SHROOM3: variants seen among roughly 807,000 people sequenced by gnomAD.
SHROOM3 encodes the protein protein Shroom3.
In SHROOM3, 47 loss-of-function variants were observed where a neutral mutation model predicts 138.6. That is an observed-to-expected ratio of 0.34 (90% CI 0.27 to 0.43). The LOEUF (loss-of-function observed/expected upper bound fraction) is 0.43, where lower values mean the gene tolerates loss of function less well. Among genes scored for constraint, SHROOM3 ranks in the 20% least tolerant of loss-of-function variants. The probability of loss-of-function intolerance (pLI) is 1.00; values close to 1 mark genes in which losing one functional copy is unlikely to be tolerated. For synonymous variants in SHROOM3, 1,062 were observed against 1,063.3 expected (o/e 1.00, Z 0.02); for missense variants, 2,491 against 2,596.5 (o/e 0.96, Z 0.88).
At position 76,741,939 on chromosome 4, in the gene SHROOM3, A is replaced by T. The variant is rs890370053; in HGVS notation, c.3753+13A>T. The T allele has an allele frequency of 6.8e-6, 11 of 1,610,640 alleles. No individual in the cohort carries two copies. Among genetic ancestry groups the T allele is most frequent in the African/African-American group, 6.7e-5 (5 of 74,822 alleles). ...AGACAAGCGCCAGGTACGTGCAACC[A>T]GCAAGTCCTGGCCTCGAACTGTCCC... is the stretch of plus-strand genomic sequence containing the variant. On this transcript the variant is annotated intron_variant, in intron 5 of 10. Transcript: ENST00000296043. The surrounding 1 kb of genome is among the most constrained non-coding windows in gnomAD (Gnocchi z 6.2).
At chr4:76,442,803 C>T (rs1315387378) in intron 1 of SHROOM3, among the ~76,000 whole-genome samples, 1 of 152,150 alleles carries the variant, frequency 6.6e-6, no homozygotes, top group Non-Finnish European at 1.5e-5. Flanking sequence ...TTCTCTCTCT[C>T]TCTCCCCTTC....
At position 76,741,368 on chromosome 4, in the gene SHROOM3, C is replaced by T; in HGVS notation, c.3195C>T (p.Gly1065=). The change falls in exon 5 of 11, where the codon GGC becomes GGT. Residue 1065 remains glycine, a synonymous_variant. Transcript: ENST00000296043. The surrounding 1 kb of genome is among the most constrained non-coding windows in gnomAD (Gnocchi z 6.2). ...ADRRRLFERD[G]KACSTLSLSG... is the part of the protein sequence containing the mutation. ...GGCGCCGTCTCTTCGAGCGCGATGGCAAGGCCTGCTCCACGCTCAGCCTGT... is the reference window on the plus strand; with the variant it reads ...GGCGCCGTCTCTTCGAGCGCGATGGTAAGGCCTGCTCCACGCTCAGCCTGT... 1 of 1,606,326 alleles carries T rather than the reference C, an allele frequency of 6.2e-7. No homozygotes were observed.
At chr4:76,554,295 C>A (rs112834372) in intron 1 of SHROOM3, among the ~76,000 whole-genome samples, 2,286 of 152,016 alleles carry the variant, frequency 0.015, 47 homozygotes, top group African/African-American at 0.05. Flanking sequence ...TAGCTCATTT[C>A]TTTTCAGTGC....
At chr4:76,655,412 A>G (rs1237737841) in intron 2 of SHROOM3, among the ~76,000 whole-genome samples, 1 of 152,248 alleles carries the variant, frequency 6.6e-6, no homozygotes, top group Non-Finnish European at 1.5e-5. Context: ...TGGGCCAATA[A>G]GAGGACCTTC....
rs923836340 is a variant in SHROOM3, at chr4:76,782,873, A to G, written c.*3696A>G. On this transcript the variant is annotated 3_prime_UTR_variant, in exon 11 of 11. Transcript: ENST00000296043. ...TGCATAGGATAAAATGATAAAGACCATTTTAATATCAGAAAGGGTTGTCTT... is the reference window on the plus strand; with the variant it reads ...TGCATAGGATAAAATGATAAAGACCGTTTTAATATCAGAAAGGGTTGTCTT... The G allele has an allele frequency of 3.3e-5, 5 of 152,220 alleles. No homozygotes were observed. Among genetic ancestry groups the G allele is most frequent in the Admixed American group, 3.3e-4 (5 of 15,286 alleles). The allele number at this position is 152,220 out of a possible 1,614,324, so 9.4% of individuals were successfully genotyped here. A position where few individuals can be genotyped will look rare whatever the true frequency, so the allele number is the denominator to read the frequency against.
chr4:76,616,472 A>G (rs1734879636), intron 2 of SHROOM3, among the ~76,000 whole-genome samples: 1 of 152,232 alleles, frequency 6.6e-6, no homozygotes, highest in African/African-American at 2.4e-5. Context: ...ATACACACAC[A>G]CACACAATGA....
rs1456499841 is a variant in SHROOM3 at position 76,741,058 on chromosome 4, C to A, written c.2885C>A (p.Ser962Tyr). 2.0e-6 allele frequency: 3 copies of A among 1,506,022 alleles called. No individual in the cohort carries two copies. In the South Asian group the frequency reaches 4.0e-5, roughly 20 times the overall value. The allele number at this position is 1,506,022 out of a possible 1,614,324, so 93.3% of individuals were successfully genotyped here. ...VASRSWRPRP[S>Y]SAHVGLRSPE... ...TCGAGGTCCTGGCGGCCACGGCCTTCCTCGGCCCACGTGGGGCTGCGGAGC... is the reference window on the plus strand; with the variant it reads ...TCGAGGTCCTGGCGGCCACGGCCTTACTCGGCCCACGTGGGGCTGCGGAGC... Residue 962 changes from serine (S) to tyrosine (Y), a missense_variant, in exon 5 of 11, where the codon TCC becomes TAC. By Grantham distance (144) the Ser-to-Tyr change is moderately radical. Coordinates refer to ENST00000296043, the MANE Select transcript of SHROOM3 (RefSeq NM_020859.4). The surrounding 1 kb of genome is among the most constrained non-coding windows in gnomAD (Gnocchi z 6.2).
At chr4:76,632,328 G>A (rs1577935004) in intron 2 of SHROOM3, among the ~76,000 whole-genome samples, 1 of 152,168 alleles carries the variant, frequency 6.6e-6, no homozygotes, top group East Asian at 1.9e-4. Context: ...TGAAGACCAA[G>A]CCCTGGGACA....
intron 10 of SHROOM3, 104 bp from the exon 11 acceptor site, chr4:76,778,705 G>A: frequency 6.7e-7 from 1 of 1,499,560 alleles, no homozygotes; most frequent in Non-Finnish European, 9.2e-7. Context: ...AATAGGAATA[G>A]AGCTTAGATA....
intron 1 of SHROOM3, among the ~76,000 whole-genome samples, chr4:76,518,720 A>G (rs1469554632): frequency 6.6e-6 from 1 of 152,202 alleles, no homozygotes; most frequent in Non-Finnish European, 1.5e-5. Context: ...CCAGGCACCC[A>G]AGCCTGTTCC....
intron 1 of SHROOM3, among the ~76,000 whole-genome samples, chr4:76,540,054 G>A (rs913294760): frequency 6.6e-6 from 1 of 152,180 alleles, no homozygotes; most frequent in Non-Finnish European, 1.5e-5. Context: ...CGCCATGTTG[G>A]CCTGGCTGGT....
chr4:76,706,146 G>A (rs895081261), intron 2 of SHROOM3, among the ~76,000 whole-genome samples: 10 of 152,026 alleles, frequency 6.6e-5, no homozygotes, highest in African/African-American at 1.4e-4. Flanking sequence ...TTTTTGAGAC[G>A]GAGTCTCCGT....
chr4:76,493,324 G>A (rs1579192042), intron 1 of SHROOM3, among the ~76,000 whole-genome samples: 1 of 151,862 alleles, frequency 6.6e-6, no homozygotes, highest in Non-Finnish European at 1.5e-5. Context: ...ATTGCATGTG[G>A]TATATTTATA....
chr4:76,627,447 A>T (rs2110070276), intron 2 of SHROOM3, among the ~76,000 whole-genome samples: 1 of 152,258 alleles, frequency 6.6e-6, no homozygotes, highest in Non-Finnish European at 1.5e-5. Context: ...TGCCAGTAAG[A>T]TGTCCACTAG....
intron 2 of SHROOM3, among the ~76,000 whole-genome samples, chr4:76,562,920 C>A (rs1219833876): frequency 6.6e-6 from 1 of 152,166 alleles, no homozygotes. Flanking sequence ...TATAAATTGA[C>A]AATCTGCAAG....
rs1721022416 is a variant in SHROOM3 at position 76,735,766 on chromosome 4, G to C, written c.588-2995G>C. On this transcript the variant is annotated intron_variant, in intron 4 of 10. Transcript: ENST00000296043. Reference sequence around the variant, plus strand: ...GAGGCAGGAGAATTGCTTGAACCCGGGAGGCGGTGGTTGCAGTGAGCCGAG... The same window carrying C: ...GAGGCAGGAGAATTGCTTGAACCCGCGAGGCGGTGGTTGCAGTGAGCCGAG... 2.7e-5 allele frequency among the ~76,000 whole-genome samples: 4 copies of C among 146,452 alleles called. No homozygotes were observed. In the South Asian group the frequency reaches 9.0e-4, roughly 33 times the overall value.
intron 2 of SHROOM3, chr4:76,688,923 G>T: frequency 1.0e-6 from 1 of 982,558 alleles, no homozygotes; most frequent in Non-Finnish European, 1.2e-6. Flanking sequence ...AAGAGGGCAT[G>T]CTGAGAAAAA....
intron 1 of SHROOM3, among the ~76,000 whole-genome samples, chr4:76,521,450 T>C (rs1004479721): frequency 2.6e-5 from 4 of 152,372 alleles, no homozygotes; most frequent in Admixed American, 1.3e-4. Flanking sequence ...AAGACAATTA[T>C]GGCATTCAAG....
Position 76,477,100 on chromosome 4 carries a change from T to C in SHROOM3, c.168+40880T>C, listed in dbSNP as rs536210356. Among the ~76,000 whole-genome samples, 3 of 152,302 alleles carry C rather than the reference T, an allele frequency of 2.0e-5. No homozygotes were observed. In the South Asian group the frequency reaches 6.2e-4, roughly 32 times the overall value. On this transcript the variant is annotated intron_variant, in intron 1 of 10. Coordinates refer to ENST00000296043, the MANE Select transcript of SHROOM3 (RefSeq NM_020859.4). Reference sequence around the variant, plus strand: ...CTCCTGCCTCAGCCTCCCAAGTAGCTGGGACTACAGGTGCCCACCACCACG... The same window carrying C: ...CTCCTGCCTCAGCCTCCCAAGTAGCCGGGACTACAGGTGCCCACCACCACG...
Sources: gnomAD v4.1 joint callset for allele counts (sites outside exome capture counted in the v4.1 genomes callset) on GRCh38, gnomAD v4.1.1 for gene constraint, Gnocchi (gnomAD v3.1) non-coding constraint, MANE v1.5 for transcripts, NCBI Gene and HGNC (gene_info 2026-07-23, HGNC 2026-07-21) for gene names.